Variants in SYNPO2 observed in about 807,000 individuals in gnomAD.
SYNPO2 encodes the protein synaptopodin 2, also known as synaptopodin-2.
In SYNPO2, 56 loss-of-function variants were observed where a neutral mutation model predicts 85.0. The ratio of observed to expected loss-of-function variants is 0.66; its 90% confidence interval spans 0.53 to 0.82. SYNPO2 has a LOEUF of 0.82. Ranked by LOEUF, SYNPO2 falls within the 40% of genes least tolerant of loss-of-function variation. SYNPO2 has a pLI of 0.00. For synonymous variants in SYNPO2, 602 were observed against 591.1 expected, an observed-to-expected ratio of 1.02 and a Z score of -0.27; for missense variants, 1,575 against 1,534.2, an observed-to-expected ratio of 1.03 and a Z score of -0.44.
chr4:118,862,783 GTTTTC>G (rs1731632546), intron 1 of SYNPO2, among the ~76,000 whole-genome samples: 2 of 151,494 alleles, frequency 1.3e-5, no homozygotes, highest in African/African-American at 4.8e-5. Context: ...TTGGCTTGTA[GTTTTC>G]TTTTCTTTCT....
chr4:118,888,611 G>GT (rs1732253252), upstream of SYNPO2, among the ~76,000 whole-genome samples: 1 of 152,170 alleles, frequency 6.6e-6, no homozygotes, highest in South Asian at 2.1e-4. Flanking sequence ...ATTATTAAAT[G>GT]TAAGTTTTTC....
chr4:119,036,649 G>A (rs766928649), intron 4 of SYNPO2: 229 of 985,334 alleles, frequency 2.3e-4, no homozygotes, highest in African/African-American at 3.0e-4. Flanking sequence ...TCCTATGAGC[G>A]TCATGCCAAT....
intron 1 of SYNPO2, among the ~76,000 whole-genome samples, chr4:118,865,026 GC>G (rs1731676618): frequency 6.6e-6 from 1 of 152,126 alleles, no homozygotes; most frequent in Admixed American, 6.5e-5. Context: ...CCCAAACCTT[GC>G]CCCCAGAGGT....
intron 4 of SYNPO2, chr4:119,038,015 A>C (rs1232529533): frequency 2.6e-6 from 1 of 384,934 alleles, no homozygotes; most frequent in Admixed American, 6.4e-5. Flanking sequence ...CAGATGAGGT[A>C]TCTAAGCTCA....
chr4:118,952,367 C>CT (rs1000134731), intron 1 of SYNPO2, among the ~76,000 whole-genome samples: 5 of 151,592 alleles, frequency 3.3e-5, no homozygotes, highest in African/African-American at 9.7e-5. Flanking sequence ...TAAGAGTAAA[C>CT]TTTTTTTAAA....
chr4:118,871,775 T>G lies in SYNPO2; in HGVS notation c.12+20835T>G, dbSNP rs1731806937. On this transcript the variant is annotated intron_variant, in intron 1 of 4. Coordinates refer to the SYNPO2 transcript ENST00000610556. ...TAGTAGAGGCGGGGTTTCACATTGT[T>G]AGCCAGGATGATCTCGATCTCCTGA... Among the ~76,000 whole-genome samples the G allele has an allele frequency of 2.6e-5, 4 of 152,242 alleles. No individual in the cohort carries two copies. The South Asian group carries it at 8.3e-4, about 32-fold the overall frequency.
chr4:118,861,257 A>G (rs1731605358), intron 1 of SYNPO2, among the ~76,000 whole-genome samples: 1 of 152,118 alleles, frequency 6.6e-6, no homozygotes, highest in African/African-American at 2.4e-5. Flanking sequence ...GGTTCAAGCA[A>G]TTATCCTGCC....
At chr4:118,990,904 C>G (rs1365453408) in intron 1 of SYNPO2, among the ~76,000 whole-genome samples, 1 of 152,070 alleles carries the variant, frequency 6.6e-6, no homozygotes, top group Admixed American at 6.6e-5. Flanking sequence ...GCCACCATGC[C>G]CGGCCTAAGC....
At chr4:118,887,704 A>C (rs1041774154), upstream of SYNPO2, among the ~76,000 whole-genome samples, 1 of 152,224 alleles carries the variant, frequency 6.6e-6, no homozygotes, top group African/African-American at 2.4e-5. Context: ...GACTGTAGTC[A>C]CTTAACCTTG....
chr4:118,954,184 T>C (rs1358495975), intron 1 of SYNPO2, among the ~76,000 whole-genome samples: 1 of 152,232 alleles, frequency 6.6e-6, no homozygotes, highest in East Asian at 1.9e-4. Context: ...AAGATTTAAA[T>C]ATATGGGTTT....
intron 1 of SYNPO2, among the ~76,000 whole-genome samples, chr4:118,933,696 TC>T (rs1354447837): frequency 1.3e-5 from 2 of 152,102 alleles, no homozygotes; most frequent in Non-Finnish European, 2.9e-5. Flanking sequence ...GTCTTATAGT[TC>T]TAGTGTTGAG....
At chr4:118,900,703 C>CTCTCTCTCTCTATATATATATATATATA (rs1277981772) in intron 1 of SYNPO2, among the ~76,000 whole-genome samples, 1 of 43,892 alleles carries the variant, frequency 2.3e-5, no homozygotes, top group African/African-American at 7.9e-5. Flanking sequence ...CTCTCTCTCT[C>CTCTCTCTCTCTATATATATATATATATA]TATATATATA....
chr4:119,028,327 G>A (rs531087346), intron 3 of SYNPO2, among the ~76,000 whole-genome samples: 37 of 151,452 alleles, frequency 2.4e-4, no homozygotes, highest in African/African-American at 7.5e-4. Flanking sequence ...CAATGAATTC[G>A]GTTATTCAAA....
chr4:118,999,120 G>C lies in SYNPO2; in HGVS notation c.106-24310G>C, dbSNP rs920053374. Among the ~76,000 whole-genome samples, 4 of 152,136 alleles carry C rather than the reference G, an allele frequency of 2.6e-5. No homozygotes were observed. The East Asian group carries it at 7.7e-4, about 29-fold the overall frequency. On this transcript the variant is annotated intron_variant, in intron 1 of 4. Coordinates refer to ENST00000307142, the MANE Select transcript of SYNPO2 (RefSeq NM_133477.3). ...TGTATGTAAAGTGAAATGTTTAGCT[G>C]TTATTATTACTCATTTACCATGATG...
intron 4 of SYNPO2, among the ~76,000 whole-genome samples, chr4:119,053,802 G>A (rs927908458): frequency 2.0e-5 from 3 of 152,036 alleles, no homozygotes; most frequent in African/African-American, 7.2e-5. Flanking sequence ...TCACTGCAAT[G>A]TATGCTTTCA....
At chr4:118,932,386 T>A (rs1733961894) in intron 1 of SYNPO2, among the ~76,000 whole-genome samples, 1 of 152,110 alleles carries the variant, frequency 6.6e-6, no homozygotes, top group South Asian at 2.1e-4. Flanking sequence ...TACAGCAGAG[T>A]TTTGAGCTTG....
intron 1 of SYNPO2, among the ~76,000 whole-genome samples, chr4:119,011,117 T>A (rs1737283117): frequency 1.3e-5 from 2 of 152,354 alleles, no homozygotes; most frequent in South Asian, 4.1e-4. Flanking sequence ...CAAGGGCACT[T>A]GGCATGACCC....
chr4:119,030,852 A>G lies in SYNPO2; in HGVS notation c.2077A>G (p.Thr693Ala). The G allele has an allele frequency of 6.2e-7, 1 of 1,614,210 alleles. No individual in the cohort carries two copies. Among genetic ancestry groups the G allele is most frequent in the Non-Finnish European group, 8.5e-7 (1 of 1,180,044 alleles). The change falls in exon 4 of 5, where the codon ACA (threonine) becomes GCA (alanine). Residue 693 changes from threonine to alanine, a missense_variant. Physicochemically the swap from Thr to Ala is moderately conservative, Grantham distance 58. Around this residue, in one of 3 missense-constraint regions of SYNPO2, gnomAD observed 1,508 missense variants for 1,446.8 expected, o/e 1.04. Transcript: ENST00000307142. ...GCAGGAGGCCAAAAGGAGAAGCACG[A>G]CAAAACCCATGTTTACTTTTAAAGA... is the stretch of plus-strand genomic sequence containing the variant. ...ILQEAKRRST[T>A]KPMFTFKEPK...
intron 1 of SYNPO2, among the ~76,000 whole-genome samples, chr4:118,985,578 C>T (rs1736187694): frequency 6.6e-6 from 1 of 152,240 alleles, no homozygotes. Flanking sequence ...AAGCCACTGA[C>T]ATATTAATAG....
Sources: allele counts gnomAD v4.1 joint callset (sites outside exome capture counted in the v4.1 genomes callset), GRCh38; gene constraint gnomAD v4.1.1; regional missense constraint gnomAD v4.1.1; transcripts MANE v1.5; gene names NCBI Gene and HGNC (gene_info 2026-07-23, HGNC 2026-07-21).